GRHL2: variants seen among roughly 807,000 people sequenced by gnomAD.
The protein encoded by GRHL2 is grainyhead like transcription factor 2.
In GRHL2, 21 loss-of-function variants were observed where a neutral mutation model predicts 83.8. The observed-to-expected ratio is 0.25, with a 90% CI of 0.18 to 0.36. The LOEUF is 0.36. GRHL2 is among the 10% of genes least tolerant of loss of function. The pLI is 1.00. For synonymous variants in GRHL2, 280 were observed against 278.9 expected (o/e 1.00, Z -0.04); for missense variants, 623 against 781.8 (o/e 0.80, Z 2.42).
At chr8:101,503,929 CTG>C (rs1340763928) in intron 1 of GRHL2, among the ~76,000 whole-genome samples, 5 of 152,192 alleles carry the variant, frequency 3.3e-5, no homozygotes, top group Non-Finnish European at 5.9e-5. Context: ...TAGTGTTTCT[CTG>C]TGTTTTCCTA....
chr8:101,664,353 C>A (rs556973349), intron 14 of GRHL2, 101 bp from the exon 15 acceptor site: 7 of 818,812 alleles, frequency 8.5e-6, no homozygotes, highest in Middle Eastern at 2.2e-4. Flanking sequence ...AGCACTCTAT[C>A]CCTGGGAAAA....
chr8:101,572,422 A>G (rs1247809321), intron 5 of GRHL2, among the ~76,000 whole-genome samples: 1 of 152,194 alleles, frequency 6.6e-6, no homozygotes, highest in East Asian at 1.9e-4. Context: ...TGCCCTTCAG[A>G]TTTTCTTATT....
chr8:101,590,980 G>A lies in GRHL2; in HGVS notation c.1004-8077G>A, dbSNP rs558962544. On this transcript the variant is annotated intron_variant, in intron 7 of 15. Transcript: ENST00000646743. Reference sequence around the variant, plus strand: ...AAAAGGGGTAGTTATAATTTACCAAGCGTGTGAAGCTCAATTAAGGTGGAG... The same window carrying A: ...AAAAGGGGTAGTTATAATTTACCAAACGTGTGAAGCTCAATTAAGGTGGAG... 6.1e-4 allele frequency among the ~76,000 whole-genome samples: 93 copies of A among 152,200 alleles called. 1 individual carries two copies. In the South Asian group the frequency reaches 0.018, roughly 30 times the overall value.
intron 1 of GRHL2, among the ~76,000 whole-genome samples, chr8:101,518,753 C>A (rs1176459687): frequency 6.6e-6 from 1 of 152,202 alleles, no homozygotes; most frequent in Non-Finnish European, 1.5e-5. Flanking sequence ...AGAAAGACCC[C>A]CAAGTTCTTT....
At chr8:101,549,027 G>A (rs1282121738) in intron 2 of GRHL2, among the ~76,000 whole-genome samples, 1 of 151,954 alleles carries the variant, frequency 6.6e-6, no homozygotes, top group Non-Finnish European at 1.5e-5. Flanking sequence ...AGGCATTGAG[G>A]ACATAACCAT....
At chr8:101,621,388 T>C (rs1476822896) in intron 9 of GRHL2, among the ~76,000 whole-genome samples, 1 of 151,882 alleles carries the variant, frequency 6.6e-6, no homozygotes, top group Non-Finnish European at 1.5e-5. Flanking sequence ...GTGTAGAAAA[T>C]AGAATGACTT....
rs1407155779 is a variant in GRHL2, at chr8:101,644,305, CA to C, written c.1612+81del. On this transcript the variant is annotated intron_variant, in intron 13 of 15. Coordinates refer to ENST00000646743, the MANE Select transcript of GRHL2 (RefSeq NM_024915.4). ...AAGAAGAGCTTGCAGCCCTCTTGCCCAGGCCCCCATGGCTCTGTGCCAGCCT... is the reference window on the plus strand; with the variant it reads ...AAGAAGAGCTTGCAGCCCTCTTGCCCGGCCCCCATGGCTCTGTGCCAGCCT... 2.9e-5 allele frequency: 33 copies of C among 1,137,494 alleles called. No homozygotes were observed. The Admixed American group carries it at 6.2e-4, about 22-fold the overall frequency. The allele number at this position is 1,137,494 out of a possible 1,614,324, so 70.5% of individuals were successfully genotyped here. A position where few individuals can be genotyped will look rare whatever the true frequency, so the allele number is the denominator to read the frequency against.
chr8:101,587,005 T>C (rs1397194759), intron 7 of GRHL2, among the ~76,000 whole-genome samples: 1 of 152,162 alleles, frequency 6.6e-6, no homozygotes, highest in Non-Finnish European at 1.5e-5. Context: ...ATAATATATA[T>C]ACTCATAAAC....
At chr8:101,649,315 C>G in intron 13 of GRHL2, 99 bp from the exon 14 acceptor site, 1 of 906,958 alleles carries the variant, frequency 1.1e-6, no homozygotes, top group Non-Finnish European at 1.8e-6. Context: ...GCAGGAGGTG[C>G]CACTCTCCAA....
At chr8:101,664,139 A>ATAAC (rs1563633507) in intron 14 of GRHL2, among the ~76,000 whole-genome samples, 2 of 152,340 alleles carry the variant, frequency 1.3e-5, no homozygotes, top group South Asian at 4.1e-4. Flanking sequence ...GGAATCCAAT[A>ATAAC]TAACTTGTTA....
intron 14 of GRHL2, among the ~76,000 whole-genome samples, chr8:101,656,578 C>T (rs567452882): frequency 6.6e-6 from 1 of 152,336 alleles, no homozygotes; most frequent in East Asian, 1.9e-4. Flanking sequence ...TCAGGCAATA[C>T]TAAGCCATCA....
At chr8:101,545,171 T>C (rs1382632186) in intron 2 of GRHL2, among the ~76,000 whole-genome samples, 1 of 152,164 alleles carries the variant, frequency 6.6e-6, no homozygotes, top group Admixed American at 6.5e-5. Context: ...GCATCCTTTA[T>C]AGTTAAGAAG....
intron 4 of GRHL2, among the ~76,000 whole-genome samples, chr8:101,567,594 TATCTATGTTTG>T (rs1387734175): frequency 6.6e-6 from 1 of 152,220 alleles, no homozygotes; most frequent in African/African-American, 2.4e-5. Context: ...TGAAAAGTAA[TATCTATGTTTG>T]TAACATGGTA....
chr8:101,670,929 AG>A (rs1814194916), downstream of GRHL2, among the ~76,000 whole-genome samples: 1 of 152,170 alleles, frequency 6.6e-6, no homozygotes, highest in Non-Finnish European at 1.5e-5. Flanking sequence ...GGGGTGCAAA[AG>A]GATAGTGATC....
chr8:101,644,131 T>C lies in GRHL2; in HGVS notation c.1518T>C (p.Gly506=). ...AAGGATTTCTGCTTATCTTTTCTAG[T>C]GGCAGTGTCCTTGTTAAACGGATGT... ...VYYNTDDERE[G]GSVLVKRMFR... is the part of the protein sequence containing the mutation. The change falls in exon 13 of 16, where the codon GGT becomes GGC. Residue 506 remains glycine (G), a splice_region_variant and synonymous_variant. Coordinates refer to ENST00000646743, the MANE Select transcript of GRHL2 (RefSeq NM_024915.4). 6.2e-7 allele frequency: 1 copy of C among 1,613,640 alleles called. No homozygotes were observed. The highest frequency in any genetic ancestry group is 1.3e-5 in the African/African-American group (1 of 75,052).
intron 14 of GRHL2, among the ~76,000 whole-genome samples, chr8:101,651,810 T>C (rs1236960087): frequency 6.6e-6 from 1 of 152,188 alleles, no homozygotes; most frequent in Non-Finnish European, 1.5e-5. Flanking sequence ...TCAGATGTCT[T>C]ATGGCAATTC....
chr8:101,624,537 G>A (rs1405518675), intron 9 of GRHL2, among the ~76,000 whole-genome samples: 3 of 8,242 alleles, frequency 3.6e-4, no homozygotes, highest in South Asian at 7.5e-3. Flanking sequence ...ACAGTTCAGA[G>A]TACACAGTAG....
At chr8:101,532,751 CT>C (rs1399597378) in intron 1 of GRHL2, among the ~76,000 whole-genome samples, 1 of 144,358 alleles carries the variant, frequency 6.9e-6, no homozygotes, top group Admixed American at 6.9e-5. Flanking sequence ...GAGACTCCAT[CT>C]CACAAAAAAA....
At chr8:101,651,384 G>A (rs937973304) in intron 14 of GRHL2, among the ~76,000 whole-genome samples, 2 of 152,202 alleles carry the variant, frequency 1.3e-5, no homozygotes, top group Non-Finnish European at 2.9e-5. Flanking sequence ...GAGGAAGTGG[G>A]GATCAGGAAC....
Sources: gnomAD v4.1 joint callset for allele counts (sites outside exome capture counted in the v4.1 genomes callset) on GRCh38, gnomAD v4.1.1 for gene constraint, MANE v1.5 for transcripts, NCBI Gene and HGNC (gene_info 2026-07-23, HGNC 2026-07-21) for gene names.